CSMD1: variants seen among roughly 807,000 people sequenced by gnomAD.
CSMD1 encodes the protein CUB and sushi domain-containing protein 1.
In CSMD1, 213 loss-of-function variants were observed where a neutral mutation model predicts 417.5. That is an observed-to-expected ratio of 0.51 (90% CI 0.46 to 0.57). The LOEUF is 0.57. CSMD1 is among the 20% of genes least tolerant of loss of function. The pLI, the probability that CSMD1 is intolerant of heterozygous loss-of-function variation, is 0.00. For synonymous variants in CSMD1, 2,862 were observed against 1,736.8 expected (o/e 1.65, Z -16.11); for missense variants, 6,923 against 4,529.7 (o/e 1.53, Z -15.17).
intron 2 of CSMD1, among the ~76,000 whole-genome samples, chr8:4,630,323 A>T (rs946006679): frequency 2.0e-5 from 3 of 151,712 alleles, no homozygotes; most frequent in Admixed American, 2.0e-4. Flanking sequence ...GTTGTTGTCA[A>T]CTAAGGCTGC....
chr8:4,781,385 T>C lies in CSMD1; in HGVS notation c.86-143827A>G, dbSNP rs781282708. 2.0e-5 allele frequency among the ~76,000 whole-genome samples: 3 copies of C among 152,234 alleles called. No homozygotes were observed. In the East Asian group the frequency reaches 5.8e-4, roughly 29 times the overall value. On this transcript the variant is annotated intron_variant, in intron 1 of 69. Transcript: ENST00000635120. Reference sequence around the variant, plus strand: ...TTCTAGATCACTCTCTTCTCTATAGTCATTTATCTTACCCCCATCCAAGAA... The same window carrying C: ...TTCTAGATCACTCTCTTCTCTATAGCCATTTATCTTACCCCCATCCAAGAA...
At chr8:4,603,600 G>C (rs1363415994) in intron 2 of CSMD1, among the ~76,000 whole-genome samples, 4 of 152,116 alleles carry the variant, frequency 2.6e-5, no homozygotes, top group African/African-American at 7.2e-5. Flanking sequence ...TTGCAAAATA[G>C]TGCGAAAACA....
intron 3 of CSMD1, among the ~76,000 whole-genome samples, chr8:4,122,005 T>G: frequency 6.6e-6 from 1 of 152,044 alleles, no homozygotes; most frequent in East Asian, 1.9e-4. Flanking sequence ...TTTTAATCAT[T>G]AAGAATAATT....
intron 1 of CSMD1, among the ~76,000 whole-genome samples, chr8:4,964,850 C>G (rs1031505921): frequency 6.6e-6 from 1 of 152,162 alleles, no homozygotes; most frequent in Non-Finnish European, 1.5e-5. Flanking sequence ...CCAGTCGTGT[C>G]TGATGTAATT....
At chr8:4,731,913 C>T (rs1314768358) in intron 1 of CSMD1, among the ~76,000 whole-genome samples, 2 of 151,816 alleles carry the variant, frequency 1.3e-5, no homozygotes, top group African/African-American at 4.8e-5. Context: ...TCTTATAGGG[C>T]CAAAGATAAA....
intron 1 of CSMD1, among the ~76,000 whole-genome samples, chr8:4,693,688 T>C (rs1006452753): frequency 3.9e-5 from 6 of 152,160 alleles, no homozygotes; most frequent in African/African-American, 1.4e-4. Context: ...CTTTCAGAGA[T>C]GAGGTCTCCC....
At chr8:3,762,986 G>C (rs372106369) in intron 5 of CSMD1, among the ~76,000 whole-genome samples, 2 of 152,250 alleles carry the variant, frequency 1.3e-5, no homozygotes, top group African/African-American at 4.8e-5. Context: ...CATGACATTT[G>C]GTGTAGTCTT....
chr8:3,451,633 T>A (rs936277779), intron 12 of CSMD1, among the ~76,000 whole-genome samples: 1 of 152,208 alleles, frequency 6.6e-6, no homozygotes, highest in Non-Finnish European at 1.5e-5. Flanking sequence ...TGTAGATATA[T>A]GGCATTATTT....
intron 10 of CSMD1, among the ~76,000 whole-genome samples, chr8:3,557,722 A>G (rs570945794): frequency 3.4e-4 from 51 of 152,064 alleles, no homozygotes; most frequent in Non-Finnish European, 4.4e-4. Context: ...AGCTTCCTCT[A>G]CCTGTGGATA....
chr8:3,634,130 G>A lies in CSMD1; in HGVS notation c.1010-17333C>T, dbSNP rs968334117. Among the ~76,000 whole-genome samples, 5 of 152,310 alleles carry A rather than the reference G, an allele frequency of 3.3e-5. No homozygotes were observed. In the South Asian group the frequency reaches 6.2e-4, roughly 19 times the overall value. On this transcript the variant is annotated intron_variant, in intron 7 of 69. Coordinates refer to ENST00000635120, the MANE Select transcript of CSMD1 (RefSeq NM_033225.6). ...GAAGTTTGGTTCTTGACCTGATGCT[G>A]GGAAGTAGCCTCTAAACCCTTGGAA...
intron 7 of CSMD1, among the ~76,000 whole-genome samples, chr8:3,676,995 G>A (rs769686213): frequency 1.3e-5 from 2 of 152,010 alleles, no homozygotes; most frequent in Non-Finnish European, 2.9e-5. Flanking sequence ...ATGGACCGGG[G>A]CCTGTTGCGG....
intron 6 of CSMD1, among the ~76,000 whole-genome samples, chr8:3,740,586 G>T (rs908523870): frequency 1.3e-5 from 2 of 152,142 alleles, no homozygotes; most frequent in African/African-American, 4.8e-5. Flanking sequence ...CACACAGGAA[G>T]GAGGACGAGC....
intron 1 of CSMD1, among the ~76,000 whole-genome samples, chr8:4,772,094 C>G (rs1351411068): frequency 6.6e-6 from 1 of 152,112 alleles, no homozygotes; most frequent in Non-Finnish European, 1.5e-5. Context: ...GCAGGCTTGA[C>G]GGGGAATAGG....
At chr8:4,537,143 A>G (rs1327039201) in intron 2 of CSMD1, among the ~76,000 whole-genome samples, 5 of 152,204 alleles carry the variant, frequency 3.3e-5, no homozygotes, top group African/African-American at 9.7e-5. Flanking sequence ...CTGTATTACA[A>G]TTTGGGTCCT....
intron 25 of CSMD1, among the ~76,000 whole-genome samples, chr8:3,303,645 C>T (rs780471779): frequency 2.0e-5 from 3 of 152,186 alleles, no homozygotes; most frequent in Non-Finnish European, 2.9e-5. Context: ...AGCTTAGGAA[C>T]AGTGTACACA....
chr8:3,656,924 A>T (rs1274057633), intron 7 of CSMD1, among the ~76,000 whole-genome samples: 1 of 32,066 alleles, frequency 3.1e-5, no homozygotes, highest in African/African-American at 2.6e-4. Context: ...GACTCTGTCT[A>T]AAAAAAAAAA....
At chr8:4,495,385 C>T (rs554489943) in intron 2 of CSMD1, among the ~76,000 whole-genome samples, 113 of 152,220 alleles carry the variant, frequency 7.4e-4, no homozygotes, top group African/African-American at 2.7e-3. Flanking sequence ...ACTAGCATGG[C>T]CAACGTGGTG....
At position 3,988,083 on chromosome 8, in the gene CSMD1, G is replaced by A. The variant is rs147718686; in HGVS notation, c.818+9820C>T. On this transcript the variant is annotated intron_variant, in intron 5 of 69. Transcript: ENST00000635120. ...TGCCTAAAAACATAGGGAAGCTGTT[G>A]AAATATTGTGATTTTTTTATACCCT... Among the ~76,000 whole-genome samples the A allele has an allele frequency of 1.1e-4, 17 of 152,322 alleles. No individual in the cohort carries two copies. The East Asian group carries it at 3.3e-3, about 29-fold the overall frequency.
At chr8:4,101,664 T>A (rs1158736474) in intron 3 of CSMD1, among the ~76,000 whole-genome samples, 1 of 152,176 alleles carries the variant, frequency 6.6e-6, no homozygotes, top group Non-Finnish European at 1.5e-5. Flanking sequence ...AAATAGAATG[T>A]TGAATTTATG....
Sources: allele counts gnomAD v4.1 joint callset (sites outside exome capture counted in the v4.1 genomes callset), GRCh38; gene constraint gnomAD v4.1.1; transcripts MANE v1.5; gene names NCBI Gene and HGNC (gene_info 2026-07-23, HGNC 2026-07-21).